CLIP1: variants seen among roughly 807,000 people sequenced by gnomAD.
CLIP1 encodes the protein CAP-Gly domain containing linker protein 1.
CLIP1 carries 66 observed loss-of-function variants against 161.6 expected under a neutral mutation model. The observed-to-expected ratio is 0.41, with a 90% confidence interval of 0.33 to 0.50. CLIP1 has a LOEUF of 0.50. Ranked by LOEUF, CLIP1 falls within the 20% of genes least tolerant of loss-of-function variation. The pLI is 0.27. For missense variants in CLIP1, 1,376 were observed against 1,702.0 expected, an observed-to-expected ratio of 0.81 and a Z score of 3.37; for synonymous variants, 598 against 626.2, an observed-to-expected ratio of 0.96 and a Z score of 0.67.
At chr12:122,301,992 G>C (rs910940007) in intron 20 of CLIP1, among the ~76,000 whole-genome samples, 16 of 152,144 alleles carry the variant, frequency 1.1e-4, no homozygotes, top group African/African-American at 3.6e-4. Flanking sequence ...CAGTGGATGT[G>C]GTGCAGCAGA....
At chr12:122,378,710 C>G (rs1032999875) in intron 2 of CLIP1, among the ~76,000 whole-genome samples, 3 of 152,138 alleles carry the variant, frequency 2.0e-5, no homozygotes, top group Admixed American at 6.6e-5. Flanking sequence ...AAAACTAGGA[C>G]TATTCCAGGC....
At position 122,328,352 on chromosome 12, in the gene CLIP1, T is replaced by C. The variant is rs781159369; in HGVS notation, c.2942A>G (p.Asp981Gly). The C allele has an allele frequency of 6.2e-7, 1 of 1,613,614 alleles. No individual in the cohort carries two copies. Among genetic ancestry groups the C allele is most frequent in the Non-Finnish European group, 8.5e-7 (1 of 1,179,900 alleles). Residue 981 changes from aspartate to glycine, a missense_variant, in exon 16 of 26, where the codon GAC (aspartate) becomes GGC (glycine). This residue lies in a region of CLIP1 where 948 missense variants were observed against 1,134.8 expected (regional missense o/e 0.84). Transcript: ENST00000620786. ...GCTCTGTTCAGCTTTGACAGTCATG[T>C]CCTCAATACTTTTTTGCAGAAAACT... ...NASFLQKSIE[D>G]MTVKAEQSQQ... is the part of the protein sequence containing the mutation.
Position 122,333,005 on chromosome 12 carries a change from T to G in CLIP1, c.2849A>C (p.Glu950Ala). 2.5e-6 allele frequency: 4 copies of G among 1,613,614 alleles called. No individual in the cohort carries two copies. The highest frequency in any genetic ancestry group is 3.4e-6 in the Non-Finnish European group (4 of 1,179,830). The change falls in exon 15 of 26, where the codon GAA becomes GCA. Residue 950 changes from glutamate to alanine, a missense_variant. Transcript: ENST00000620786. The part of the protein sequence containing the change: ...NSSQLTKMND[E>A]LRLKERDVEE... ...CATATACCTTTCTTTCAGACGTAAT[T>G]CATCGTTCATTTTTGTCAGCTGAGA...
intron 7 of CLIP1, 120 bp from the exon 8 acceptor site, chr12:122,352,906 C>CAA (rs1953115939): frequency 1.2e-6 from 1 of 802,080 alleles, no homozygotes; most frequent in Non-Finnish European, 2.1e-6. Flanking sequence ...ATAATCCCAG[C>CAA]AATTTGGGAG....
chr12:122,348,322 A>T lies in CLIP1; in HGVS notation c.1402-843T>A, dbSNP rs144102571. Among the ~76,000 whole-genome samples, 583 of 152,354 alleles carry T rather than the reference A, an allele frequency of 3.8e-3. 2 individuals are homozygous for T. Among genetic ancestry groups the T allele is most frequent in the African/African-American group, 0.013 (547 of 41,586 alleles). On this transcript the variant is annotated intron_variant, in intron 9 of 25. Coordinates refer to ENST00000620786, the MANE Select transcript of CLIP1 (RefSeq NM_001247997.2). ...TAGTCTCCATCTCTGAAGGAGTCCA[A>T]TTGAGAGGCTCAAGAGAGGAGGAAA...
At chr12:122,375,256 C>T (rs1476988717) in intron 3 of CLIP1, among the ~76,000 whole-genome samples, 1 of 151,770 alleles carries the variant, frequency 6.6e-6, no homozygotes, top group East Asian at 1.9e-4. Context: ...ACAGTAGCTA[C>T]TGTACATTTC....
intron 3 of CLIP1, among the ~76,000 whole-genome samples, chr12:122,375,315 C>CT (rs58301377): frequency 0.12 from 16,703 of 142,720 alleles, 1,300 homozygotes; most frequent in East Asian, 0.45. Flanking sequence ...CCCTGAAATT[C>CT]TTTTTTTTTT....
rs149047223 is a variant in CLIP1 at position 122,292,949 on chromosome 12, G to C, written c.3595-4408C>G. 5.1e-3 allele frequency among the ~76,000 whole-genome samples: 738 copies of C among 145,100 alleles called. 7 individuals are homozygous for C. Among genetic ancestry groups the C allele is most frequent in the African/African-American group, 0.018 (668 of 36,796 alleles). On this transcript the variant is annotated intron_variant, in intron 20 of 25. Coordinates refer to ENST00000620786, the MANE Select transcript of CLIP1 (RefSeq NM_001247997.2). ...ACCCGGGAGGCGGAGCTTGCAGTGG[G>C]CCGAGATAGCACCACTGCAGTCCAG...
chr12:122,295,931 G>T lies in CLIP1; in HGVS notation c.3595-7390C>A, dbSNP rs550090512. Among the ~76,000 whole-genome samples the T allele has an allele frequency of 3.9e-5, 6 of 152,148 alleles. No individual in the cohort carries two copies. In the East Asian group the frequency reaches 1.2e-3, roughly 29 times the overall value. ...AGTATAGTTTCTCCAGCTTGCTTTT[G>T]GTTACTGTTTGCATAGTATGTCTTG... On this transcript the variant is annotated intron_variant, in intron 20 of 25. Transcript: ENST00000620786.
At chr12:122,364,648 G>A (rs1024364471) in intron 3 of CLIP1, 1 of 418,088 alleles carries the variant, frequency 2.4e-6, no homozygotes, top group Non-Finnish European at 4.7e-6. Context: ...CAAGTGATCT[G>A]CCCACCTCAG....
At chr12:122,380,067 A>AC (rs1278191078) in intron 2 of CLIP1, among the ~76,000 whole-genome samples, 2 of 151,900 alleles carry the variant, frequency 1.3e-5, no homozygotes, top group East Asian at 3.9e-4. Flanking sequence ...ATATGGTGAA[A>AC]CCCCATCTCT....
At chr12:122,409,332 G>A (rs1318972637) in intron 1 of CLIP1, among the ~76,000 whole-genome samples, 2 of 151,112 alleles carry the variant, frequency 1.3e-5, no homozygotes, top group East Asian at 3.9e-4. Flanking sequence ...CACCATGTTG[G>A]CTAGGCTGGT....
chr12:122,358,396 C>T (rs1338007848), intron 5 of CLIP1, among the ~76,000 whole-genome samples: 1 of 150,110 alleles, frequency 6.7e-6, no homozygotes, highest in Non-Finnish European at 1.5e-5. Flanking sequence ...TATGACCCTG[C>T]CAAATCCCCC....
intron 6 of CLIP1, 29 bp from the exon 7 acceptor site, chr12:122,354,585 G>A: frequency 6.4e-7 from 1 of 1,550,472 alleles, no homozygotes; most frequent in Non-Finnish European, 8.9e-7. Flanking sequence ...TCGGTAAATG[G>A]ACTATTTCTG....
chr12:122,392,576 G>T (rs1029987611), intron 1 of CLIP1, among the ~76,000 whole-genome samples: 1 of 151,948 alleles, frequency 6.6e-6, no homozygotes, highest in Non-Finnish European at 1.5e-5. Context: ...AAGCACAGAG[G>T]GCAGTCACTG....
At chr12:122,394,732 A>C (rs1345042130) in intron 1 of CLIP1, among the ~76,000 whole-genome samples, 1 of 151,594 alleles carries the variant, frequency 6.6e-6, no homozygotes, top group Non-Finnish European at 1.5e-5. Context: ...CTAAAAATAC[A>C]AAAATTAGCT....
intron 1 of CLIP1, among the ~76,000 whole-genome samples, chr12:122,415,554 C>G (rs902137405): frequency 6.6e-6 from 1 of 151,354 alleles, no homozygotes; most frequent in Non-Finnish European, 1.5e-5. Flanking sequence ...CACAGTGGCT[C>G]ACGCCTGTAA....
chr12:122,382,557 G>A (rs1955057383), intron 1 of CLIP1, among the ~76,000 whole-genome samples: 1 of 151,382 alleles, frequency 6.6e-6, no homozygotes, highest in Non-Finnish European at 1.5e-5. Context: ...CGTGAAAACA[G>A]AGGCAGAGGT....
rs376387832 is a variant in CLIP1 at position 122,328,291 on chromosome 12, C to A, written c.3003G>T (p.Lys1001Asn). Residue 1001 changes from lysine to asparagine, a missense_variant, in exon 16 of 26, where the codon AAG becomes AAT. By Grantham distance (94) the Lys-to-Asn change is moderately conservative (BLOSUM62 0). Transcript: ENST00000620786. ...CCGACAATTTCCTCTCCAATTCTTT[C>A]TTTTCTTCCTCATGCTTTTTAGCTG... ...QEAAKKHEEE[K>N]KELERKLSDL... The A allele has an allele frequency of 6.2e-6, 10 of 1,614,000 alleles. No individual in the cohort carries two copies. Among genetic ancestry groups the A allele is most frequent in the Non-Finnish European group, 8.5e-6 (10 of 1,180,040 alleles).
Sources: gnomAD v4.1 joint callset for allele counts (sites outside exome capture counted in the v4.1 genomes callset) on GRCh38, gnomAD v4.1.1 for gene constraint, gnomAD v4.1.1 regional missense constraint, MANE v1.5 for transcripts, NCBI Gene and HGNC (gene_info 2026-07-23, HGNC 2026-07-21) for gene names.